Variants in FSTL1 observed in about 807,000 individuals in gnomAD.
The protein encoded by FSTL1 is follistatin-related protein 1.
FSTL1 carries 24 observed loss-of-function variants against 45.9 expected under a neutral mutation model. The observed-to-expected ratio is 0.52, with a 90% CI of 0.38 to 0.74. The LOEUF is 0.74. Ranked by LOEUF, FSTL1 falls within the 30% of genes least tolerant of loss-of-function variation. The pLI, the probability that FSTL1 is intolerant of heterozygous loss-of-function variation, is 0.00. For missense variants in FSTL1, 340 were observed against 381.8 expected, an observed-to-expected ratio of 0.89 and a Z score of 0.91; for synonymous variants, 120 against 137.6, an observed-to-expected ratio of 0.87 and a Z score of 0.89.
At chr3:120,440,893 A>G (rs1449300847) in intron 2 of FSTL1, among the ~76,000 whole-genome samples, 2 of 152,220 alleles carry the variant, frequency 1.3e-5, no homozygotes, top group African/African-American at 4.8e-5. Context: ...AAAGAGCAAC[A>G]TAAGGAGTGG....
At chr3:120,416,052 AC>A (rs746343260) in intron 2 of FSTL1, 25 bp from the exon 3 acceptor site, 4 of 1,483,504 alleles carry the variant, frequency 2.7e-6, no homozygotes, top group Non-Finnish European at 3.8e-6. Flanking sequence ...CATAAAGGAA[AC>A]CGTGTGACTG....
At chr3:120,431,183 G>A (rs760887601) in intron 2 of FSTL1, among the ~76,000 whole-genome samples, 1 of 152,072 alleles carries the variant, frequency 6.6e-6, no homozygotes, top group Non-Finnish European at 1.5e-5. Flanking sequence ...TGTTGGCCAG[G>A]CTGTTCTTGA....
chr3:120,420,246 A>T (rs777274591), intron 2 of FSTL1, among the ~76,000 whole-genome samples: 2 of 152,240 alleles, frequency 1.3e-5, no homozygotes, highest in Non-Finnish European at 2.9e-5. Context: ...GTATGCGTAG[A>T]TAACCACATT....
chr3:120,436,184 C>T (rs2107668912), intron 2 of FSTL1, among the ~76,000 whole-genome samples: 1 of 152,272 alleles, frequency 6.6e-6, no homozygotes, highest in East Asian at 1.9e-4. Context: ...AGACTCTTCT[C>T]CAATTGTATC....
intron 2 of FSTL1, among the ~76,000 whole-genome samples, chr3:120,450,107 A>C (rs565207704): frequency 1.3e-5 from 2 of 152,300 alleles, no homozygotes; most frequent in East Asian, 3.9e-4. Flanking sequence ...CTTCTCTTAC[A>C]CTTGCGCAAC....
intron 10 of FSTL1, among the ~76,000 whole-genome samples, chr3:120,397,395 C>T (rs1936724343): frequency 1.3e-5 from 2 of 152,202 alleles, no homozygotes; most frequent in Admixed American, 1.3e-4. Flanking sequence ...GGCTGTGCTA[C>T]TTTTTGGGTG....
intron 3 of FSTL1, 113 bp downstream of exon 3, chr3:120,415,810 G>A: frequency 3.4e-6 from 2 of 591,062 alleles, no homozygotes; most frequent in South Asian, 2.6e-5. Flanking sequence ...GGGGGATGAA[G>A]AATGCTTTTA....
chr3:120,419,688 C>A lies in FSTL1; in HGVS notation c.64-3661G>T, dbSNP rs183508669. The A allele has an allele frequency of 1.5e-4, 23 of 152,344 alleles. 1 individual carries two copies. Among genetic ancestry groups the A allele is most frequent in the African/African-American group, 5.3e-4 (22 of 41,540 alleles). The allele number at this position is 152,344 out of a possible 1,614,324, so 9.4% of individuals were successfully genotyped here. A position where few individuals can be genotyped will look rare whatever the true frequency, so the allele number is the denominator to read the frequency against. Reference sequence around the variant, plus strand: ...GGAAGGTTTGGGATTGGGTAGGTAACATGATGGATATGGTGCTTTGGAATG... The same window carrying A: ...GGAAGGTTTGGGATTGGGTAGGTAAAATGATGGATATGGTGCTTTGGAATG... On this transcript the variant is annotated intron_variant, in intron 2 of 10. Transcript: ENST00000295633.
chr3:120,421,779 C>T (rs1269814010), intron 2 of FSTL1, among the ~76,000 whole-genome samples: 1 of 152,120 alleles, frequency 6.6e-6, no homozygotes, highest in Non-Finnish European at 1.5e-5. Flanking sequence ...AGTTTCCCTT[C>T]CTTATATGTG....
chr3:120,448,769 C>G (rs1937814662), intron 2 of FSTL1, among the ~76,000 whole-genome samples: 1 of 152,190 alleles, frequency 6.6e-6, no homozygotes, highest in Non-Finnish European at 1.5e-5. Flanking sequence ...GGGGGAACTT[C>G]CTACCAGGGA....
In FSTL1 at chr3:120,411,934, T is replaced by C; in HGVS notation, c.218A>G (p.Tyr73Cys). 6.2e-7 allele frequency: 1 copy of C among 1,613,262 alleles called. No individual in the cohort carries two copies. The highest frequency in any genetic ancestry group is 1.1e-5 in the South Asian group (1 of 91,050). The part of the protein sequence containing the change: ...RPVCGSNGKT[Y>C]LNHCELHRDA... ...TCGATGCAGTTCACAGTGGTTGAGG[T>C]AGGTCTTGCCATTACTGCCACACAC... The change falls in exon 4 of 11, where the codon TAC (tyrosine) becomes TGC (cysteine). Residue 73 changes from tyrosine to cysteine, a missense_variant. Tyr to Cys is a radical substitution (Grantham distance 194). Transcript: ENST00000295633.
intron 2 of FSTL1, among the ~76,000 whole-genome samples, chr3:120,437,072 A>C (rs1023515865): frequency 2.0e-5 from 3 of 152,214 alleles, no homozygotes; most frequent in Non-Finnish European, 4.4e-5. Context: ...CCACTGTATC[A>C]ATTTCACACT....
At chr3:120,440,898 G>T (rs887158699) in intron 2 of FSTL1, among the ~76,000 whole-genome samples, 1 of 152,192 alleles carries the variant, frequency 6.6e-6, no homozygotes, top group African/African-American at 2.4e-5. Flanking sequence ...GCAACATAAG[G>T]AGTGGTACAG....
chr3:120,403,920 C>CAAAAAAAAAA lies in FSTL1; in HGVS notation c.582-576_582-567dup, dbSNP rs34145564. Reference sequence around the variant, plus strand: ...TGGGCGACAGAGCGAGACTCCGTCTCAAAAAAAAAAAAAAAAAAAAAAAAC... The same window carrying CAAAAAAAAAA: ...TGGGCGACAGAGCGAGACTCCGTCTCAAAAAAAAAAAAAAAAAAAAAAAAAAAAAAAAAAC... On this transcript the variant is annotated intron_variant, in intron 7 of 10. Transcript: ENST00000295633. 2.1e-3 allele frequency among the ~76,000 whole-genome samples: 111 copies of CAAAAAAAAAA among 52,086 alleles called. 1 individual carries two copies. The highest frequency in any genetic ancestry group is 2.8e-3 in the African/African-American group (33 of 11,898). 34.2% of individuals were successfully genotyped at this position (52,086 alleles called of 152,430 possible).
At chr3:120,398,674 C>T (rs900460052) in intron 10 of FSTL1, among the ~76,000 whole-genome samples, 2 of 152,182 alleles carry the variant, frequency 1.3e-5, no homozygotes, top group Non-Finnish European at 2.9e-5. Flanking sequence ...TCTGGTGTTT[C>T]CTGGCATTGC....
At chr3:120,439,843 G>A (rs1453038389) in intron 2 of FSTL1, among the ~76,000 whole-genome samples, 1 of 152,236 alleles carries the variant, frequency 6.6e-6, no homozygotes, top group Non-Finnish European at 1.5e-5. Flanking sequence ...GCTGGGCACT[G>A]TGGCTCACGA....
At chr3:120,432,744 C>T (rs1370541677) in intron 2 of FSTL1, among the ~76,000 whole-genome samples, 1 of 152,152 alleles carries the variant, frequency 6.6e-6, no homozygotes, top group Non-Finnish European at 1.5e-5. Flanking sequence ...GAGGAACTCC[C>T]AACTCCACTG....
intron 6 of FSTL1, among the ~76,000 whole-genome samples, chr3:120,405,417 A>G (rs1936928771): frequency 6.6e-6 from 1 of 152,250 alleles, no homozygotes; most frequent in Non-Finnish European, 1.5e-5. Context: ...CAGGAACAGC[A>G]GCAATGCAGA....
intron 2 of FSTL1, among the ~76,000 whole-genome samples, chr3:120,430,678 T>C (rs1937460226): frequency 6.6e-6 from 1 of 152,128 alleles, no homozygotes; most frequent in African/African-American, 2.4e-5. Context: ...ATATCTAACA[T>C]GGAAATAGAT....
Sources: allele counts gnomAD v4.1 joint callset (sites outside exome capture counted in the v4.1 genomes callset), GRCh38; gene constraint gnomAD v4.1.1; transcripts MANE v1.5; gene names NCBI Gene and HGNC (gene_info 2026-07-23, HGNC 2026-07-21).